Variants in BMP5 observed in about 807,000 individuals in gnomAD.
BMP5 encodes bone morphogenetic protein 5.
BMP5 carries 23 observed loss-of-function variants against 46.6 expected under a neutral mutation model. The observed-to-expected ratio is 0.49, with a 90% CI of 0.35 to 0.70. The LOEUF is 0.70. Ranked by LOEUF, BMP5 falls within the 30% of genes least tolerant of loss-of-function variation. The probability of loss-of-function intolerance (pLI) is 0.00; values close to 1 mark genes in which losing one functional copy is unlikely to be tolerated. For missense variants in BMP5, 545 were observed against 565.6 expected (o/e 0.96, Z 0.37); for synonymous variants, 204 against 191.9 (o/e 1.06, Z -0.52).
Position 55,874,653 on chromosome 6 carries a change from T to C in BMP5, c.213A>G (p.Gly71=). 2 of 1,613,646 alleles carry C rather than the reference T, an allele frequency of 1.2e-6. No individual in the cohort carries two copies. The highest frequency in any genetic ancestry group is 1.7e-6 in the Non-Finnish European group (2 of 1,179,722). The change falls in exon 1 of 7, where the codon GGA becomes GGG. Residue 71 remains glycine, a synonymous_variant. Coordinates refer to ENST00000370830, the MANE Select transcript of BMP5 (RefSeq NM_021073.4). ...AGAGAGGTGCAGAGGACGCTTGTTT[T>C]CCAGGTGAAAATGGTCTGGGTCTGT... ...LPHRPRPFSP[G]KQASSAPLFM... is the part of the protein sequence containing the mutation.
chr6:55,759,144 CA>C lies in BMP5; in HGVS notation c.1105-30del, dbSNP rs754365141. 4.0e-4 allele frequency: 34 copies of C among 85,086 alleles called. 1 individual carries two copies. Among genetic ancestry groups the C allele is most frequent in the Admixed American group, 8.1e-4 (4 of 4,934 alleles). The allele number at this position is 85,086 out of a possible 1,614,324, so 5.3% of individuals were successfully genotyped here. A position where few individuals can be genotyped will look rare whatever the true frequency, so the allele number is the denominator to read the frequency against. On this transcript the variant is annotated intron_variant, in intron 5 of 6. Transcript: ENST00000370830. ...ACACATACACACACACACACACACA[CA>C]AAAAAAAAAAAAAAAAAAAAAAAAA...
At chr6:55,822,637 T>G (rs1206501882) in intron 1 of BMP5, among the ~76,000 whole-genome samples, 1 of 152,122 alleles carries the variant, frequency 6.6e-6, no homozygotes. Context: ...GGCTAAGACA[T>G]GAGTTTGCTA....
intron 1 of BMP5, among the ~76,000 whole-genome samples, chr6:55,863,484 C>T (rs1471576531): frequency 1.3e-5 from 2 of 152,066 alleles, no homozygotes; most frequent in Non-Finnish European, 2.9e-5. Context: ...AATATATTTA[C>T]CTATGGAATT....
At chr6:55,846,993 C>CA (rs199516470) in intron 1 of BMP5, among the ~76,000 whole-genome samples, 3,157 of 148,724 alleles carry the variant, frequency 0.021, 52 homozygotes, top group Non-Finnish European at 0.032. Context: ...TCTAAAATTT[C>CA]AAAAAAAAAG....
chr6:55,856,865 G>T (rs1777412625), intron 1 of BMP5, among the ~76,000 whole-genome samples: 1 of 151,896 alleles, frequency 6.6e-6, no homozygotes, highest in Non-Finnish European at 1.5e-5. Flanking sequence ...ACATTTGTAT[G>T]TGTGTGTGTA....
At chr6:55,780,369 C>T (rs564476833) in intron 3 of BMP5, among the ~76,000 whole-genome samples, 52 of 148,942 alleles carry the variant, frequency 3.5e-4, no homozygotes, top group Non-Finnish European at 1.8e-4. Context: ...GCCTGTAATC[C>T]CAGCACTTTG....
rs749764244 is a variant in BMP5 at position 55,819,820 on chromosome 6, T to A, written c.518A>T (p.Gln173Leu). The change falls in exon 2 of 7, where the codon CAG becomes CTG. Residue 173 changes from glutamine to leucine, a missense_variant. Gln to Leu is a moderately radical substitution (Grantham distance 113). Coordinates refer to ENST00000370830, the MANE Select transcript of BMP5 (RefSeq NM_021073.4). ...LVERDKDFSH[Q>L]RRHYKEFRFD... ...TCGAAATTCTTTGTAATGCCTTCGCTGGTGAGAAAAATCCTTGTCTCTTTC... is the reference window on the plus strand; with the variant it reads ...TCGAAATTCTTTGTAATGCCTTCGCAGGTGAGAAAAATCCTTGTCTCTTTC... 6.2e-7 allele frequency: 1 copy of A among 1,613,818 alleles called. No homozygotes were observed. Among genetic ancestry groups the A allele is most frequent in the Non-Finnish European group, 8.5e-7 (1 of 1,179,900 alleles).
chr6:55,767,298 G>A (rs141887062), intron 4 of BMP5, among the ~76,000 whole-genome samples: 143 of 152,084 alleles, frequency 9.4e-4, no homozygotes, highest in Middle Eastern at 3.4e-3. Context: ...TGATGTAAGA[G>A]TTTGAACTCC....
intron 1 of BMP5, among the ~76,000 whole-genome samples, chr6:55,838,623 T>C (rs1776880930): frequency 6.6e-6 from 1 of 152,158 alleles, no homozygotes. Context: ...TTTTTTCCCT[T>C]GCTGTGCAGA....
intron 1 of BMP5, among the ~76,000 whole-genome samples, chr6:55,868,561 C>T (rs1777703737): frequency 7.5e-6 from 1 of 133,276 alleles, no homozygotes; most frequent in Non-Finnish European, 1.5e-5. Context: ...ACCTTTCTTA[C>T]TAATCTACAA....
intron 4 of BMP5, among the ~76,000 whole-genome samples, chr6:55,771,226 G>A (rs1775039886): frequency 6.6e-6 from 1 of 151,700 alleles, no homozygotes; most frequent in Admixed American, 6.6e-5. Flanking sequence ...ATCATGTTCT[G>A]GAGGTTTTTA....
intron 1 of BMP5, among the ~76,000 whole-genome samples, chr6:55,822,891 A>T (rs945112739): frequency 6.6e-6 from 1 of 152,116 alleles, no homozygotes; most frequent in African/African-American, 2.4e-5. Flanking sequence ...ACGAAGTTGC[A>T]TTGCAGACTT....
At chr6:55,842,921 A>G (rs1402049389) in intron 1 of BMP5, among the ~76,000 whole-genome samples, 2 of 152,176 alleles carry the variant, frequency 1.3e-5, no homozygotes, top group East Asian at 3.8e-4. Flanking sequence ...TATCAACTGT[A>G]AAATATTATT....
At chr6:55,781,443 G>A (rs1775315008) in intron 3 of BMP5, among the ~76,000 whole-genome samples, 1 of 151,970 alleles carries the variant, frequency 6.6e-6, no homozygotes, top group Non-Finnish European at 1.5e-5. Flanking sequence ...ATGACAAAAA[G>A]CTTTTAGATG....
Position 55,755,645 on chromosome 6 carries a change from C to A in BMP5, c.1253G>T (p.Cys418Phe). The A allele has an allele frequency of 6.2e-7, 1 of 1,612,326 alleles. No homozygotes were observed. The highest frequency in any genetic ancestry group is 1.7e-4 in the Middle Eastern group (1 of 6,052). The stretch of plus-strand genomic sequence containing the variant: ...GGCATTTAATTTGGTTGGAGCACAA[C>A]AAGGCTTTGGTACGTGGTCAGGAAA... ...LMFPDHVPKPCCAPTKLNAIS... is the reference protein window; with the variant it reads ...LMFPDHVPKPFCAPTKLNAIS... Residue 418 changes from cysteine (C) to phenylalanine (F), a missense_variant, in exon 7 of 7, where the codon TGT becomes TTT. Physicochemically the swap from Cys to Phe is radical, Grantham distance 205. Transcript: ENST00000370830.
chr6:55,833,839 A>G (rs532533664), intron 1 of BMP5, among the ~76,000 whole-genome samples: 8 of 152,310 alleles, frequency 5.3e-5, no homozygotes, highest in Non-Finnish European at 1.2e-4. Context: ...TAATGAATTT[A>G]TAAAGCTTTG....
At chr6:55,871,588 T>A (rs1777788938) in intron 1 of BMP5, among the ~76,000 whole-genome samples, 1 of 151,882 alleles carries the variant, frequency 6.6e-6, no homozygotes, top group East Asian at 1.9e-4. Context: ...ATAAAGCTAA[T>A]CTCATCTGAA....
In BMP5 at chr6:55,840,137, G is replaced by A. The variant is rs111449609; in HGVS notation, c.491-20290C>T. On this transcript the variant is annotated intron_variant, in intron 1 of 6. Transcript: ENST00000370830. ...TTTGTTAAATTTATTTTGATACTAC[G>A]GTAAATATTTCTTAATTTTATTTTC... is the stretch of plus-strand genomic sequence containing the variant. 4.9e-3 allele frequency among the ~76,000 whole-genome samples: 751 copies of A among 151,840 alleles called. 13 individuals carry two copies. Among genetic ancestry groups the A allele is most frequent in the African/African-American group, 0.016 (674 of 41,452 alleles).
chr6:55,846,538 T>C (rs1200825393), intron 1 of BMP5, among the ~76,000 whole-genome samples: 1 of 151,952 alleles, frequency 6.6e-6, no homozygotes, highest in Non-Finnish European at 1.5e-5. Flanking sequence ...AGACCATTTC[T>C]CTTGTCATGT....
Sources: gnomAD v4.1 joint callset for allele counts (sites outside exome capture counted in the v4.1 genomes callset) on GRCh38, gnomAD v4.1.1 for gene constraint, MANE v1.5 for transcripts, NCBI Gene and HGNC (gene_info 2026-07-23, HGNC 2026-07-21) for gene names.